IL1RAPL1: variants seen among roughly 807,000 people sequenced by gnomAD.
The protein encoded by IL1RAPL1 is interleukin-1 receptor accessory protein-like 1.
A neutral mutation model predicts 48.4 loss-of-function variants in IL1RAPL1; 3 were observed. The ratio of observed to expected loss-of-function variants is 0.06; its 90% CI spans 0.03 to 0.16. The LOEUF (loss-of-function observed/expected upper bound fraction) is 0.16, where lower values mean the gene tolerates loss of function less well. Among genes scored for constraint, IL1RAPL1 ranks in the 10% least tolerant of loss-of-function variants. The pLI is 1.00. For missense variants in IL1RAPL1, 349 were observed against 530.6 expected, an observed-to-expected ratio of 0.66 and a Z score of 3.36; for synonymous variants, 185 against 187.7, an observed-to-expected ratio of 0.99 and a Z score of 0.12.
At chrX:29,245,514 G>A (rs778695762) in intron 2 of IL1RAPL1, among the ~76,000 whole-genome samples, 244 of 111,706 alleles carry the variant, frequency 2.2e-3, no homozygotes, top group African/African-American at 7.7e-3. Flanking sequence ...ATTTGCATTT[G>A]TCTAATGACC....
chrX:29,724,421 C>T (rs193006972), intron 6 of IL1RAPL1, among the ~76,000 whole-genome samples: 16 of 112,044 alleles, frequency 1.4e-4, no homozygotes. Context: ...AGATCAAATT[C>T]TCAGGATGAC....
intron 6 of IL1RAPL1, among the ~76,000 whole-genome samples, chrX:29,767,120 T>C (rs1223025269): frequency 8.9e-6 from 1 of 111,792 alleles, no homozygotes; most frequent in African/African-American, 3.2e-5. Flanking sequence ...GATATTTATA[T>C]TCTTTATGTT....
At chrX:28,895,435 G>A (rs888497155) in intron 2 of IL1RAPL1, among the ~76,000 whole-genome samples, 9 of 104,944 alleles carry the variant, frequency 8.6e-5, no homozygotes, top group Admixed American at 4.1e-4. Flanking sequence ...CTCCAAGGAG[G>A]GAGTAGAGGC....
At chrX:28,898,814 A>G (rs1013337475) in intron 2 of IL1RAPL1, among the ~76,000 whole-genome samples, 1 of 108,224 alleles carries the variant, frequency 9.2e-6, no homozygotes, top group Non-Finnish European at 1.9e-5. Flanking sequence ...TTTTTTGTTT[A>G]TTTTTGAGAC....
intron 2 of IL1RAPL1, among the ~76,000 whole-genome samples, chrX:29,249,009 G>C (rs1267064651): frequency 9.0e-6 from 1 of 110,950 alleles, no homozygotes; most frequent in Admixed American, 9.6e-5. Context: ...AAGTTGAAAA[G>C]GTATCATTAA....
At chrX:29,472,767 G>C (rs1406134508) in intron 5 of IL1RAPL1, among the ~76,000 whole-genome samples, 1 of 111,682 alleles carries the variant, frequency 9.0e-6, no homozygotes, top group African/African-American at 3.3e-5. Context: ...GTACTTTTCA[G>C]GGTTGATGAG....
At chrX:28,747,632 C>T (rs1935995313) in intron 1 of IL1RAPL1, among the ~76,000 whole-genome samples, 1 of 112,086 alleles carries the variant, frequency 8.9e-6, no homozygotes, top group Non-Finnish European at 1.9e-5. Flanking sequence ...CAGAGTGAGA[C>T]TCCGTCTCGA....
intron 6 of IL1RAPL1, among the ~76,000 whole-genome samples, chrX:29,865,803 A>ATTTT (rs1161090848): frequency 2.1e-4 from 18 of 86,308 alleles, no homozygotes; most frequent in African/African-American, 7.6e-4. Context: ...CGCCTGGCTA[A>ATTTT]TTTTTTTTTT....
rs141552531 is a variant in IL1RAPL1 at position 28,783,567 on chromosome X, T to C, written c.-24-5753T>C. Among the ~76,000 whole-genome samples the C allele has an allele frequency of 8.1e-5, 9 of 111,566 alleles. No homozygotes were observed. The East Asian group carries it at 2.6e-3, about 32-fold the overall frequency. On this transcript the variant is annotated intron_variant, in intron 1 of 10. Coordinates refer to ENST00000378993, the MANE Select transcript of IL1RAPL1 (RefSeq NM_014271.4). Reference sequence around the variant, plus strand: ...AGGGCCAATTTAGAAAAAAATTATCTTGGTGACCTAAAACTTGTTTTCGAT... The same window carrying C: ...AGGGCCAATTTAGAAAAAAATTATCCTGGTGACCTAAAACTTGTTTTCGAT...
At chrX:29,226,222 T>C (rs764501984) in intron 2 of IL1RAPL1, among the ~76,000 whole-genome samples, 1 of 111,635 alleles carries the variant, frequency 9.0e-6, no homozygotes, top group Non-Finnish European at 1.9e-5. Flanking sequence ...TAGAATGATA[T>C]CTTTTCATAC....
At chrX:29,429,874 A>G (rs1272567677) in intron 5 of IL1RAPL1, among the ~76,000 whole-genome samples, 2 of 67,206 alleles carry the variant, frequency 3.0e-5, no homozygotes, top group African/African-American at 1.3e-4. Context: ...ATTATAGTGT[A>G]TATATATGTG....
At chrX:29,333,338 T>C in intron 3 of IL1RAPL1, among the ~76,000 whole-genome samples, 1 of 102,949 alleles carries the variant, frequency 9.7e-6, no homozygotes, top group South Asian at 4.7e-4. Flanking sequence ...GCTCCTCACT[T>C]CCCAGTAGGG....
chrX:28,914,063 T>A (rs1923426296), intron 2 of IL1RAPL1, among the ~76,000 whole-genome samples: 1 of 111,433 alleles, frequency 9.0e-6, no homozygotes, highest in Non-Finnish European at 1.9e-5. Context: ...TTAGGGTAAT[T>A]TGAATGAGAT....
chrX:29,264,388 G>A (rs897989716), intron 2 of IL1RAPL1, among the ~76,000 whole-genome samples: 3 of 110,917 alleles, frequency 2.7e-5, no homozygotes, highest in African/African-American at 9.8e-5. Flanking sequence ...TCTTTTGATA[G>A]TGAAGCAGTG....
intron 5 of IL1RAPL1, among the ~76,000 whole-genome samples, chrX:29,595,157 G>A (rs1337587114): frequency 2.7e-5 from 3 of 112,179 alleles, no homozygotes; most frequent in African/African-American, 9.7e-5. Context: ...CATTTGGGCT[G>A]ATTCCATAAT....
At chrX:28,612,158 A>G (rs1385837065) in intron 1 of IL1RAPL1, among the ~76,000 whole-genome samples, 1 of 111,048 alleles carries the variant, frequency 9.0e-6, no homozygotes, top group Non-Finnish European at 1.9e-5. Context: ...CCTTCCAACT[A>G]TGACCCGCCA....
rs1416048220 is a variant in IL1RAPL1, at chrX:29,802,803, A to G, written c.779-114661A>G. Among the ~76,000 whole-genome samples, 74 of 60,287 alleles carry G rather than the reference A, an allele frequency of 1.2e-3. 1 individual carries two copies. The highest frequency in any genetic ancestry group is 6.1e-3 in the African/African-American group (63 of 10,332). The allele number at this position is 60,287 out of a possible 115,157, so 52.4% of individuals were successfully genotyped here. A position where few individuals can be genotyped will look rare whatever the true frequency, so the allele number is the denominator to read the frequency against. ...TATATGTGTGTGTGTATATATATAT[A>G]TATATATGTGTGTATATATATGTAT... On this transcript the variant is annotated intron_variant, in intron 6 of 10. Transcript: ENST00000378993.
chrX:29,587,480 T>C (rs1159351330), intron 5 of IL1RAPL1, among the ~76,000 whole-genome samples: 3 of 111,114 alleles, frequency 2.7e-5, no homozygotes, highest in Non-Finnish European at 5.7e-5. Flanking sequence ...ATGGTGACTG[T>C]AGTTATTAAC....
At chrX:29,704,278 C>T (rs1294833745) in intron 6 of IL1RAPL1, among the ~76,000 whole-genome samples, 3 of 111,341 alleles carry the variant, frequency 2.7e-5, no homozygotes, top group East Asian at 5.6e-4. Flanking sequence ...TTTCCTATTA[C>T]ATTTTAATAA....
Sources: gnomAD v4.1 joint callset for allele counts (sites outside exome capture counted in the v4.1 genomes callset) on GRCh38, gnomAD v4.1.1 for gene constraint, MANE v1.5 for transcripts, NCBI Gene and HGNC (gene_info 2026-07-23, HGNC 2026-07-21) for gene names.